The following CMIP variants were observed in gnomAD, a reference collection of about 807,000 sequenced individuals.
The protein encoded by CMIP is c-Maf inducing protein.
A neutral mutation model predicts 97.3 loss-of-function variants in CMIP; 13 were observed. The ratio of observed to expected loss-of-function variants is 0.13; its 90% CI spans 0.09 to 0.21. CMIP has a LOEUF of 0.21. CMIP is among the 10% of genes least tolerant of loss of function. The pLI is 1.00. For missense variants in CMIP, 847 were observed against 1,024.9 expected (o/e 0.83, Z 2.37); for synonymous variants, 538 against 436.3 (o/e 1.23, Z -2.91).
chr16:81,519,567 A>G (rs1034927123), intron 1 of CMIP: 1 of 152,274 alleles, frequency 6.6e-6, no homozygotes, highest in Non-Finnish European at 1.5e-5. Context: ...GAGACCAGAC[A>G]GGGTTGGAAT....
chr16:81,561,053 C>G (rs757504023), intron 1 of CMIP, among the ~76,000 whole-genome samples: 1 of 152,180 alleles, frequency 6.6e-6, no homozygotes, highest in Non-Finnish European at 1.5e-5. Context: ...CTCCTGGGTT[C>G]AAGCAATTCT....
At chr16:81,479,427 A>G (rs1425627653) in intron 1 of CMIP, among the ~76,000 whole-genome samples, 1 of 152,154 alleles carries the variant, frequency 6.6e-6, no homozygotes, top group East Asian at 1.9e-4. Context: ...ATTGTTGCAC[A>G]ACCATCACCC....
chr16:81,567,081 C>T (rs988001686), intron 1 of CMIP, among the ~76,000 whole-genome samples: 11 of 152,206 alleles, frequency 7.2e-5, no homozygotes, highest in South Asian at 2.1e-4. Context: ...TATGTATGAG[C>T]GACTTCTCGT....
chr16:81,452,372 C>T (rs1289895271), intron 1 of CMIP, among the ~76,000 whole-genome samples: 1 of 152,084 alleles, frequency 6.6e-6, no homozygotes, highest in Non-Finnish European at 1.5e-5. Flanking sequence ...TGAGGCCTGG[C>T]GGTGCTTTCA....
Position 81,483,161 on chromosome 16 carries a change from G to C in CMIP, c.300+37620G>C, listed in dbSNP as rs1270952419. Among the ~76,000 whole-genome samples, 4 of 152,224 alleles carry C rather than the reference G, an allele frequency of 2.6e-5. No homozygotes were observed. The East Asian group carries it at 7.7e-4, about 29-fold the overall frequency. The stretch of plus-strand genomic sequence containing the variant: ...TGGCGTCTGTGTGTGGTGGCCTTTG[G>C]AATAGGGTGACCAAAGAAAATCTGG... On this transcript the variant is annotated intron_variant, in intron 1 of 20. Transcript: ENST00000537098.
chr16:81,701,770 G>A lies in CMIP; in HGVS notation c.1866G>A (p.Leu622=), dbSNP rs546759933. ...TGGGGAAGCGCATGTACGAGCAGCT[G>A]TGTGACCGGCAGCGGGAGCTGAAGG... The part of the protein sequence containing the change: ...TDVGKRMYEQ[L]CDRQRELKEL... Residue 622 remains leucine, a synonymous_variant, in exon 16 of 21, where the codon CTG becomes CTA. Coordinates refer to ENST00000537098, the MANE Select transcript of CMIP (RefSeq NM_198390.3). 374 of 1,613,790 alleles carry A rather than the reference G, an allele frequency of 2.3e-4. No homozygotes were observed. Among genetic ancestry groups the A allele is most frequent in the Non-Finnish European group, 2.8e-4 (331 of 1,179,878 alleles).
intron 14 of CMIP, among the ~76,000 whole-genome samples, chr16:81,698,539 G>A (rs1433784157): frequency 1.3e-5 from 2 of 152,178 alleles, no homozygotes; most frequent in African/African-American, 4.8e-5. Context: ...AGCGGTGCCA[G>A]GAATTCAAAG....
At chr16:81,667,766 A>AAGAGAGAGAGAGAGAGAGAG (rs59388984) in intron 7 of CMIP, among the ~76,000 whole-genome samples, 3 of 85,134 alleles carry the variant, frequency 3.5e-5, no homozygotes, top group Non-Finnish European at 6.8e-5. Flanking sequence ...GAGGGAGAGA[A>AAGAGAGAGAGAGAGAGAGAG]AGAGAGAGAG....
At chr16:81,490,076 C>T (rs915745729) in intron 1 of CMIP, among the ~76,000 whole-genome samples, 3 of 152,182 alleles carry the variant, frequency 2.0e-5, no homozygotes, top group Non-Finnish European at 2.9e-5. Context: ...CGCCTGCACG[C>T]CTGTGCCAGA....
intron 7 of CMIP, among the ~76,000 whole-genome samples, chr16:81,669,260 A>C (rs2092652302): frequency 1.3e-5 from 1 of 76,290 alleles, no homozygotes; most frequent in Admixed American, 1.5e-4. Flanking sequence ...TCTCACACTC[A>C]CCTCCTTCCA....
At chr16:81,495,404 A>G in intron 1 of CMIP, 2 of 1,569,420 alleles carry the variant, frequency 1.3e-6, no homozygotes, top group Non-Finnish European at 1.7e-6. Flanking sequence ...CAACAAACCA[A>G]GCCGGCCGGG....
chr16:81,670,828 T>C (rs12103192), intron 8 of CMIP, among the ~76,000 whole-genome samples: 31,460 of 151,762 alleles, frequency 0.21, 4,427 homozygotes, highest in African/African-American at 0.4. Flanking sequence ...CTCATCTCTT[T>C]TGTTTGTTTG....
chr16:81,532,753 A>T (rs2090263951), intron 1 of CMIP, among the ~76,000 whole-genome samples: 1 of 152,184 alleles, frequency 6.6e-6, no homozygotes, highest in Non-Finnish European at 1.5e-5. Flanking sequence ...ACTCCCTGGG[A>T]TGCAGCTCTG....
At chr16:81,683,828 C>T (rs1364805695) in intron 10 of CMIP, among the ~76,000 whole-genome samples, 2 of 119,210 alleles carry the variant, frequency 1.7e-5, no homozygotes, top group African/African-American at 6.5e-5. Context: ...GTGACGCGAT[C>T]TCAGCTCACT....
chr16:81,506,991 G>A (rs1156764428), intron 1 of CMIP, among the ~76,000 whole-genome samples: 6 of 151,882 alleles, frequency 4.0e-5, no homozygotes, highest in South Asian at 2.1e-4. Flanking sequence ...AGTGGCTCAC[G>A]CCTGTAATCC....
intron 1 of CMIP, among the ~76,000 whole-genome samples, chr16:81,469,901 T>C (rs987375071): frequency 6.6e-6 from 1 of 152,174 alleles, no homozygotes; most frequent in Non-Finnish European, 1.5e-5. Flanking sequence ...GAGGAGGGCC[T>C]TCTTTGGGGT....
rs548458779 is a variant in CMIP at position 81,710,033 on chromosome 16, G to T, written c.*234G>T. On this transcript the variant is annotated 3_prime_UTR_variant, in exon 21 of 21. Coordinates refer to ENST00000537098, the MANE Select transcript of CMIP (RefSeq NM_198390.3). The stretch of plus-strand genomic sequence containing the variant: ...GGAACCTTTGACCTGATCTAAAGTG[G>T]ACTTTGTAGCAACAAGAGGAGCATC... 1 of 228,022 alleles carries T rather than the reference G, an allele frequency of 4.4e-6. No individual in the cohort carries two copies. The highest frequency in any genetic ancestry group is 7.2e-5 in the Admixed American group (1 of 13,942). 14.1% of individuals were successfully genotyped at this position (228,022 alleles called of 1,614,324 possible).
chr16:81,468,446 C>T (rs1224407955), intron 1 of CMIP, among the ~76,000 whole-genome samples: 1 of 152,240 alleles, frequency 6.6e-6, no homozygotes, highest in African/African-American at 2.4e-5. Context: ...ACCTTCCGCA[C>T]CTTGTAGGGT....
chr16:81,625,427 A>G (rs552956797), intron 3 of CMIP, among the ~76,000 whole-genome samples: 1 of 152,378 alleles, frequency 6.6e-6, no homozygotes, highest in East Asian at 1.9e-4. Context: ...CTCCTGGCTC[A>G]TGCCCTGGCC....
Sources: gnomAD v4.1 joint callset for allele counts (sites outside exome capture counted in the v4.1 genomes callset) on GRCh38, gnomAD v4.1.1 for gene constraint, MANE v1.5 for transcripts, NCBI Gene and HGNC (gene_info 2026-07-23, HGNC 2026-07-21) for gene names.